Variants in GPD1 observed in about 807,000 individuals in gnomAD.
GPD1 encodes glycerol-3-phosphate dehydrogenase [NAD(+)], cytoplasmic.
A neutral mutation model predicts 34.4 loss-of-function variants in GPD1; 19 were observed. That is an observed-to-expected ratio of 0.55 (90% CI 0.39 to 0.81). The LOEUF is 0.81. Ranked by LOEUF, GPD1 falls within the 30% of genes least tolerant of loss-of-function variation. The pLI is 0.00. For synonymous variants in GPD1, 172 were observed against 174.1 expected (o/e 0.99, Z 0.09); for missense variants, 429 against 447.0 (o/e 0.96, Z 0.36).
At chr12:50,105,410 T>C in intron 2 of GPD1, 138 bp from the exon 3 acceptor site, 7 of 763,978 alleles carry the variant, frequency 9.2e-6, no homozygotes, top group Non-Finnish European at 1.5e-5. Flanking sequence ...CCAAGTTCAG[T>C]CCTTCTAGAT....
At chr12:50,107,540 C>T (rs1036334232) in intron 5 of GPD1, 27 bp from the exon 6 acceptor site, 1 of 1,570,014 alleles carries the variant, frequency 6.4e-7, no homozygotes, top group African/African-American at 1.3e-5. Context: ...GGGGTCTTTT[C>T]TCACCTATGA....
chr12:50,104,249 C>T (rs1191991015), intron 1 of GPD1, 158 bp downstream of exon 1: 2 of 767,762 alleles, frequency 2.6e-6, no homozygotes, highest in Non-Finnish European at 4.5e-6. Context: ...CCGGCCCTCT[C>T]CTGACCCCCG....
chr12:50,104,423 G>T, intron 1 of GPD1, 151 bp from the exon 2 acceptor site: 1 of 730,424 alleles, frequency 1.4e-6, no homozygotes, highest in East Asian at 2.7e-5. Context: ...AGGTCACTGG[G>T]GACTATTTGT....
chr12:50,104,195 C>T, intron 1 of GPD1, 104 bp downstream of exon 1: 2 of 1,074,878 alleles, frequency 1.9e-6, no homozygotes, highest in Admixed American at 1.7e-5. Context: ...CCTGTTCAGC[C>T]CCTGCTGCTA....
chr12:50,104,268 G>A, intron 1 of GPD1, 177 bp downstream of exon 1: 1 of 715,270 alleles, frequency 1.4e-6, no homozygotes, highest in Non-Finnish European at 2.5e-6. Context: ...CGCCCTCCTG[G>A]GCAGCTGCAC....
At chr12:50,107,515 T>A (rs1204452533) in intron 5 of GPD1, 52 bp from the exon 6 acceptor site, 1 of 1,319,916 alleles carries the variant, frequency 7.6e-7, no homozygotes, top group Non-Finnish European at 1.1e-6. Flanking sequence ...GGGCTCCACA[T>A]GGGGCCTATA....
rs755542156 is a variant in GPD1, at chr12:50,108,097, A to T, written c.920A>T (p.Tyr307Phe). 1 of 1,611,562 alleles carries T rather than the reference A, an allele frequency of 6.2e-7. No individual in the cohort carries two copies. Among genetic ancestry groups the T allele is most frequent in the Non-Finnish European group, 8.5e-7 (1 of 1,178,020 alleles). ...GGGCCCGAGACAGCCCGGGAGCTAT[A>T]CAGCATCCTCCAGCACAAGGGCCTG... The part of the protein sequence containing the change: ...LQGPETAREL[Y>F]SILQHKGLVD... The change falls in exon 7 of 8, where the codon TAC becomes TTC. Residue 307 changes from tyrosine to phenylalanine, a missense_variant. Coordinates refer to ENST00000301149, the MANE Select transcript of GPD1 (RefSeq NM_005276.4).
At position 50,109,611 on chromosome 12, in the gene GPD1, C is replaced by A; in HGVS notation, c.*92C>A. ...CTAGTCACCAGGATCTCCAGGACTC[C>A]CAGGGAGCAGAGTCTTCTCATCTTT... is the stretch of plus-strand genomic sequence containing the variant. On this transcript the variant is annotated 3_prime_UTR_variant, in exon 8 of 8. Coordinates refer to ENST00000301149, the MANE Select transcript of GPD1 (RefSeq NM_005276.4). The A allele has an allele frequency of 1.4e-6, 1 of 726,272 alleles. No homozygotes were observed. Among genetic ancestry groups the A allele is most frequent in the Non-Finnish European group, 2.5e-6 (1 of 395,142 alleles). 45.0% of individuals were successfully genotyped at this position (726,272 alleles called of 1,614,324 possible).
At chr12:50,107,967 C>G in intron 6 of GPD1, 57 bp from the exon 7 acceptor site, 3 of 1,168,416 alleles carry the variant, frequency 2.6e-6, no homozygotes, top group Non-Finnish European at 1.3e-6. Flanking sequence ...GTCTCTCCAC[C>G]CCCTACTGAC....
chr12:50,104,973 G>T (rs1950968344), intron 2 of GPD1, among the ~76,000 whole-genome samples: 1 of 152,256 alleles, frequency 6.6e-6, no homozygotes, highest in Non-Finnish European at 1.5e-5. Context: ...AGGGATGGGA[G>T]AACAAGTTGG....
rs1253589934 is a variant in GPD1 at position 50,104,759 on chromosome 12, C to G, written c.219+8C>G. 1 of 1,611,290 alleles carries G rather than the reference C, an allele frequency of 6.2e-7. No individual in the cohort carries two copies. The highest frequency in any genetic ancestry group is 1.7e-5 in the Admixed American group (1 of 59,932). On this transcript the variant is annotated splice_region_variant and intron_variant, in intron 2 of 7. Transcript: ENST00000301149. Reference sequence around the variant, plus strand: ...AAGTTGCCCCCAAATGTGGTGAGCCCCAACACCCTGCGAAGAACAGGGAGA... The same window carrying G: ...AAGTTGCCCCCAAATGTGGTGAGCCGCAACACCCTGCGAAGAACAGGGAGA...
chr12:50,106,147 A>C (rs1164596761), intron 3 of GPD1, 141 bp from the exon 4 acceptor site: 45 of 734,270 alleles, frequency 6.1e-5, no homozygotes, highest in Non-Finnish European at 9.5e-5. Context: ...CCTCACAGCA[A>C]ACTTGAGCTG....
intron 4 of GPD1, 110 bp downstream of exon 4, chr12:50,106,536 T>C: frequency 9.1e-7 from 1 of 1,094,364 alleles, no homozygotes; most frequent in Admixed American, 2.3e-5. Context: ...GAAAGGAAAA[T>C]ACAAGCATCA....
chr12:50,106,271 C>A lies in GPD1; in HGVS notation c.361-17C>A, dbSNP rs1346366781. The stretch of plus-strand genomic sequence containing the variant: ...GGGCCCAAAGGGCACCTGGCCTGAG[C>A]TCCATCCTGTGCTCAGGGGGTAGAC... On this transcript the variant is annotated splice_polypyrimidine_tract_variant and intron_variant, in intron 3 of 7. Transcript: ENST00000301149. 2 of 1,591,018 alleles carry A rather than the reference C, an allele frequency of 1.3e-6. No homozygotes were observed. The highest frequency in any genetic ancestry group is 2.2e-5 in the East Asian group (1 of 44,626).
At chr12:50,107,218 T>C in intron 5 of GPD1, 2 of 650,540 alleles carry the variant, frequency 3.1e-6, no homozygotes, top group Non-Finnish European at 2.8e-6. Context: ...CCCAGGCTAA[T>C]GGGAGACAAA....
chr12:50,107,618 A>AACACC lies in GPD1; in HGVS notation c.666_670dup (p.Lys224ThrfsTer6). ...CTGTGATGGCCTGGGCTTTGGCGACAACACCAAGGCGGCAGTGATCCGGCT... is the reference window on the plus strand; with the variant it reads ...CTGTGATGGCCTGGGCTTTGGCGACAACACCACACCAAGGCGGCAGTGATCCGGCT... On this transcript the variant is annotated frameshift_variant, in exon 6 of 8. Transcript: ENST00000301149. LOFTEE classifies it high-confidence loss of function. 1.9e-6 allele frequency: 3 copies of AACACC among 1,614,162 alleles called. No homozygotes were observed. The highest frequency in any genetic ancestry group is 2.5e-6 in the Non-Finnish European group (3 of 1,180,004).
Position 50,107,656 on chromosome 12 carries a change from G to T in GPD1, c.702G>T (p.Glu234Asp). ...KAAVIRLGLM[E>D]MIAFAKLFCS... ...CAGTGATCCGGCTGGGACTCATGGA[G>T]ATGATAGCCTTCGCCAAGCTCTTCT... The change falls in exon 6 of 8, where the codon GAG becomes GAT. Residue 234 changes from glutamate to aspartate, a missense_variant. Physicochemically the swap from Glu to Asp is conservative, Grantham distance 45. Transcript: ENST00000301149. The T allele has an allele frequency of 6.2e-7, 1 of 1,614,148 alleles. No individual in the cohort carries two copies. Among genetic ancestry groups the T allele is most frequent in the Non-Finnish European group, 8.5e-7 (1 of 1,179,974 alleles).
chr12:50,107,701 T>C lies in GPD1; in HGVS notation c.747T>C (p.Ser249=), dbSNP rs1950991393. ...TCTTCTGCAGTGGCCCTGTGTCCTC[T>C]GCCACCTTCTTGGAGAGCTGTGGTG... ...AKLFCSGPVS[S]ATFLESCGVA... Residue 249 remains serine (S), a synonymous_variant, in exon 6 of 8, where the codon TCT becomes TCC. Transcript: ENST00000301149. The C allele has an allele frequency of 1.2e-5, 20 of 1,614,110 alleles. No homozygotes were observed. The highest frequency in any genetic ancestry group is 1.4e-5 in the Non-Finnish European group (16 of 1,179,958).
Position 50,105,659 on chromosome 12 carries a change from G to A in GPD1, c.331G>A (p.Ala111Thr). ...TGACCAGCTCAAGGGCCATCTGAAG[G>A]CAAACGCCACTGGCATATCTCTTAT... ...ICDQLKGHLK[A>T]NATGISLIKG... The change falls in exon 3 of 8, where the codon GCA (alanine) becomes ACA (threonine). Residue 111 changes from alanine to threonine, a missense_variant. Ala to Thr is a moderately conservative substitution (Grantham distance 58). Coordinates refer to ENST00000301149, the MANE Select transcript of GPD1 (RefSeq NM_005276.4). 6.2e-7 allele frequency: 1 copy of A among 1,614,146 alleles called. No individual in the cohort carries two copies. The highest frequency in any genetic ancestry group is 8.5e-7 in the Non-Finnish European group (1 of 1,179,992).
Sources: allele counts gnomAD v4.1 joint callset (sites outside exome capture counted in the v4.1 genomes callset), GRCh38; gene constraint gnomAD v4.1.1; transcripts MANE v1.5; gene names NCBI Gene and HGNC (gene_info 2026-07-23, HGNC 2026-07-21).